The following AKAP13 variants were observed in gnomAD, a reference collection of about 807,000 sequenced individuals.
AKAP13 encodes A-kinase anchoring protein 13, also known as A-kinase anchor protein 13.
A neutral mutation model predicts 264.5 loss-of-function variants in AKAP13; 80 were observed. The observed-to-expected ratio is 0.30, with a 90% confidence interval of 0.25 to 0.36. AKAP13 has a LOEUF of 0.36. Ranked by LOEUF, AKAP13 falls within the 10% of genes least tolerant of loss-of-function variation. AKAP13 has a pLI of 1.00. For synonymous variants in AKAP13, 1,380 were observed against 1,250.2 expected (o/e 1.10, Z -2.19); for missense variants, 3,712 against 3,435.2 (o/e 1.08, Z -2.01).
At chr15:85,647,517 T>C (rs1382672857) in intron 10 of AKAP13, among the ~76,000 whole-genome samples, 1 of 105,928 alleles carries the variant, frequency 9.4e-6, no homozygotes, top group Non-Finnish European at 2.1e-5. Flanking sequence ...ATTTTTGGCC[T>C]TCCCTGACTT....
In AKAP13 at chr15:85,556,662, A is replaced by G. The variant is rs76098405; in HGVS notation, c.662+12707A>G. On this transcript the variant is annotated intron_variant, in intron 5 of 36. Coordinates refer to ENST00000394518, the MANE Select transcript of AKAP13 (RefSeq NM_007200.5). ...ATTTCATAACATTTTTCTCATTCCCATAGCTCTGTCTGCACAGCTACACTG... is the reference window on the plus strand; with the variant it reads ...ATTTCATAACATTTTTCTCATTCCCGTAGCTCTGTCTGCACAGCTACACTG... Among the ~76,000 whole-genome samples, 64 of 152,240 alleles carry G rather than the reference A, an allele frequency of 4.2e-4. No individual in the cohort carries two copies. In the East Asian group the frequency reaches 0.012, roughly 28 times the overall value.
At chr15:85,456,827 G>T (rs1461973245) in intron 1 of AKAP13, among the ~76,000 whole-genome samples, 1 of 152,082 alleles carries the variant, frequency 6.6e-6, no homozygotes, top group Non-Finnish European at 1.5e-5. Context: ...TCCAACATGG[G>T]TCTACTCATC....
chr15:85,718,909 CA>C lies in AKAP13; in HGVS notation c.6002-160del. ...GCCAGAACCTGTCTTAAAAAAAAAA[CA>C]AAAAAACAAAAAAACGAGAACACTT... On this transcript the variant is annotated intron_variant, in intron 22 of 36. Coordinates refer to ENST00000394518, the MANE Select transcript of AKAP13 (RefSeq NM_007200.5). The surrounding 1 kb of genome is among the most constrained non-coding windows in gnomAD (Gnocchi z 4.9). 8 of 917,522 alleles carry C rather than the reference CA, an allele frequency of 8.7e-6. No homozygotes were observed. Among genetic ancestry groups the C allele is most frequent in the South Asian group, 7.2e-5 (4 of 55,608 alleles). The allele number at this position is 917,522 out of a possible 1,614,324, so 56.8% of individuals were successfully genotyped here.
rs142448606 is a variant in AKAP13, at chr15:85,639,886, C to G, written c.4237+437C>G. On this transcript the variant is annotated intron_variant, in intron 9 of 36. Coordinates refer to ENST00000394518, the MANE Select transcript of AKAP13 (RefSeq NM_007200.5). ...ATTGGGTGGGGTGTGGCCTAGATAT[C>G]AAAATCTTTATAAGCTCCTTTGATT... Among the ~76,000 whole-genome samples the G allele has an allele frequency of 1.5e-3, 233 of 152,272 alleles. 2 individuals carry two copies. Among genetic ancestry groups the G allele is most frequent in the South Asian group, 0.015 (70 of 4,826 alleles).
chr15:85,404,217 A>G (rs1435338139), intron 1 of AKAP13, among the ~76,000 whole-genome samples: 2 of 152,358 alleles, frequency 1.3e-5, no homozygotes, highest in Admixed American at 1.3e-4. Context: ...AGCATAGTTA[A>G]GGGCAGGTTT....
intron 10 of AKAP13, among the ~76,000 whole-genome samples, chr15:85,646,313 A>T (rs1313301067): frequency 1.3e-5 from 2 of 152,158 alleles, no homozygotes; most frequent in African/African-American, 4.8e-5. Flanking sequence ...CATCTCTACT[A>T]AAAATATAAA....
intron 16 of AKAP13, among the ~76,000 whole-genome samples, chr15:85,688,555 A>G (rs2151625967): frequency 6.6e-6 from 1 of 152,370 alleles, no homozygotes; most frequent in East Asian, 1.9e-4. Flanking sequence ...ATCTTTATGA[A>G]AATAGGTTAT....
intron 29 of AKAP13, 82 bp from the exon 30 acceptor site, chr15:85,730,428 TACC>T (rs1189348499): frequency 2.1e-6 from 3 of 1,418,782 alleles, no homozygotes; most frequent in East Asian, 4.6e-5. Context: ...TTCCATAAAT[TACC>T]ACAAGGTGGT....
chr15:85,485,028 T>C (rs1276495814), intron 1 of AKAP13, among the ~76,000 whole-genome samples: 2 of 152,184 alleles, frequency 1.3e-5, no homozygotes, highest in Non-Finnish European at 2.9e-5. Context: ...TCTGAGCATT[T>C]ATAGCCTAGA....
At chr15:85,722,396 C>T in intron 25 of AKAP13, 49 bp downstream of exon 25, 2 of 1,476,574 alleles carry the variant, frequency 1.4e-6, no homozygotes, top group Non-Finnish European at 1.8e-6. Flanking sequence ...ACTGTTTCCT[C>T]TGTGGCCAGT....
intron 7 of AKAP13, 84 bp downstream of exon 7, chr15:85,582,191 C>T: frequency 1.4e-6 from 2 of 1,430,522 alleles, no homozygotes; most frequent in Non-Finnish European, 1.8e-6. Context: ...AAAATATAGG[C>T]ATCTTTGTTG....
intron 1 of AKAP13, among the ~76,000 whole-genome samples, chr15:85,440,480 C>G (rs1345488735): frequency 1.3e-5 from 2 of 152,122 alleles, no homozygotes; most frequent in Admixed American, 1.3e-4. Context: ...AGAGCTGATG[C>G]AAAATCTTAA....
At chr15:85,729,991 T>C (rs1484812171) in intron 29 of AKAP13, among the ~76,000 whole-genome samples, 1 of 150,274 alleles carries the variant, frequency 6.7e-6, no homozygotes. Context: ...CAGCTCAGGA[T>C]GGAGCTGAGA....
At chr15:85,465,424 A>C (rs1409938158) in intron 1 of AKAP13, among the ~76,000 whole-genome samples, 1 of 151,142 alleles carries the variant, frequency 6.6e-6, no homozygotes, top group African/African-American at 2.4e-5. Context: ...ATATGTATAC[A>C]TGTGCCATGC....
chr15:85,735,165 G>A lies in AKAP13; in HGVS notation c.7441+15G>A, dbSNP rs1245008567. ...TGCTTCAAAAGGTAAATGATGTGAA[G>A]TCATGAGCTTTTATAGGCAATCCTT... On this transcript the variant is annotated intron_variant, in intron 31 of 36. Coordinates refer to ENST00000394518, the MANE Select transcript of AKAP13 (RefSeq NM_007200.5). 1.2e-6 allele frequency: 2 copies of A among 1,610,706 alleles called. No homozygotes were observed. Among genetic ancestry groups the A allele is most frequent in the Non-Finnish European group, 1.7e-6 (2 of 1,178,328 alleles).
At chr15:85,630,599 T>C (rs369896186) in intron 8 of AKAP13, among the ~76,000 whole-genome samples, 1 of 152,180 alleles carries the variant, frequency 6.6e-6, no homozygotes, top group East Asian at 1.9e-4. Flanking sequence ...ATATAGAAGA[T>C]ACTTAACACA....
At chr15:85,596,345 A>G (rs920992959) in intron 8 of AKAP13, among the ~76,000 whole-genome samples, 1 of 152,148 alleles carries the variant, frequency 6.6e-6, no homozygotes, top group Admixed American at 6.5e-5. Context: ...GTGACTCACA[A>G]CTATAATCCT....
Position 85,579,045 on chromosome 15 carries a change from A to T in AKAP13, c.977A>T (p.Asp326Val). The change falls in exon 7 of 37, where the codon GAC becomes GTC. Residue 326 changes from aspartate (D) to valine (V), a missense_variant. This residue lies in a region of AKAP13 where 2,759 missense variants were observed against 2,411.7 expected (regional missense o/e 1.14). Coordinates refer to ENST00000394518, the MANE Select transcript of AKAP13 (RefSeq NM_007200.5). ...CTTCCCTGTGCACCGGAGCCCACGGACCCTCAGCGACTTTCTTCTTCTGAA... is the reference window on the plus strand; with the variant it reads ...CTTCCCTGTGCACCGGAGCCCACGGTCCCTCAGCGACTTTCTTCTTCTGAA... The part of the protein sequence containing the change: ...QFLPCAPEPT[D>V]PQRLSSSEET... 1 of 1,614,138 alleles carries T rather than the reference A, an allele frequency of 6.2e-7. No homozygotes were observed. Among genetic ancestry groups the T allele is most frequent in the South Asian group, 1.1e-5 (1 of 91,082 alleles).
At chr15:85,646,941 C>T (rs2448026) in intron 10 of AKAP13, among the ~76,000 whole-genome samples, 18,900 of 152,146 alleles carry the variant, frequency 0.12, 1,936 homozygotes, top group East Asian at 0.35. Flanking sequence ...CAATTATATG[C>T]CACAAGTGGT....
Sources: allele counts gnomAD v4.1 joint callset (sites outside exome capture counted in the v4.1 genomes callset), GRCh38; gene constraint gnomAD v4.1.1; regional missense constraint gnomAD v4.1.1; non-coding constraint Gnocchi (gnomAD v3.1); transcripts MANE v1.5; gene names NCBI Gene and HGNC (gene_info 2026-07-23, HGNC 2026-07-21).